The following CSPG4 variants were observed in gnomAD, a reference collection of about 807,000 sequenced individuals.
CSPG4 encodes chondroitin sulfate proteoglycan 4 (melanoma-associated).
A neutral mutation model predicts 139.3 loss-of-function variants in CSPG4; 74 were observed. That is an observed-to-expected ratio of 0.53 (90% confidence interval 0.44 to 0.64). The LOEUF (loss-of-function observed/expected upper bound fraction) is 0.64. Among genes scored for constraint, CSPG4 ranks in the 30% least tolerant of loss-of-function variants. The probability of loss-of-function intolerance (pLI) is 0.00; values close to 1 mark genes in which losing one functional copy is unlikely to be tolerated. For missense variants in CSPG4, 2,565 were observed against 3,148.3 expected (o/e 0.81, Z 4.43); for synonymous variants, 1,234 against 1,394.2 (o/e 0.89, Z 2.56).
rs1291027438 is a variant in CSPG4 at position 75,675,972 on chromosome 15, G to C, written c.6547C>G (p.Arg2183Gly). Residue 2183 changes from arginine (R) to glycine (G), a missense_variant, in exon 10 of 10, where the codon CGG becomes GGG. Physicochemically the swap from Arg to Gly is moderately radical, Grantham distance 125 (BLOSUM62 -2). Coordinates refer to ENST00000308508, the MANE Select transcript of CSPG4 (RefSeq NM_001897.5). ...CTCTCTGGCTTCCCTGCTTCCGTCC[G>C]GGCGGCCTCGGGGACACTGAGCAGG... ...VALLSVPEAA[R>G]TEAGKPESST... 1 of 1,578,436 alleles carries C rather than the reference G, an allele frequency of 6.3e-7. No individual in the cohort carries two copies.
At chr15:75,695,215 A>G (rs148789579) in intron 1 of CSPG4, among the ~76,000 whole-genome samples, 1,825 of 152,274 alleles carry the variant, frequency 0.012, 120 homozygotes, top group Admixed American at 0.1. Context: ...CACTAAAGGT[A>G]TATGTAGACC....
intron 1 of CSPG4, among the ~76,000 whole-genome samples, chr15:75,701,764 C>T (rs1894303791): frequency 6.6e-6 from 1 of 152,198 alleles, no homozygotes; most frequent in Admixed American, 6.5e-5. Flanking sequence ...CCCACAGGAA[C>T]CCCCAAGCCC....
chr15:75,688,480 G>A lies in CSPG4; in HGVS notation c.2585C>T (p.Thr862Ile), dbSNP rs1449278614. 2 of 1,613,250 alleles carry A rather than the reference G, an allele frequency of 1.2e-6. No homozygotes were observed. The highest frequency in any genetic ancestry group is 1.7e-6 in the Non-Finnish European group (2 of 1,180,042). Residue 862 changes from threonine (T) to isoleucine (I), a missense_variant, in exon 3 of 10, where the codon ACA becomes ATA. This residue lies in a region of CSPG4 where 2,316 missense variants were observed against 2,818.2 expected (regional missense o/e 0.82). Transcript: ENST00000308508. ...CTCGACTGCCTCTGAGGCACGTGCT[G>A]TGGCCCCATAGGTCACCCGGCCAGC... ...IQAGRVTYGA[T>I]ARASEAVEDT...
rs1893883943 is a variant in CSPG4 at position 75,675,935 on chromosome 15, G to A, written c.6584C>T (p.Thr2195Ile). Residue 2195 changes from threonine to isoleucine, a missense_variant, in exon 10 of 10, where the codon ACA (threonine) becomes ATA (isoleucine). Around this residue, in one of 5 missense-constraint regions of CSPG4, gnomAD observed 2,316 missense variants for 2,818.2 expected, o/e 0.82. Transcript: ENST00000308508. Reference protein sequence around the residue: ...EAGKPESSTPTGEPGPMASSP... With the variant: ...EAGKPESSTPIGEPGPMASSP... ...GGATGCCATGGGGCCTGGCTCGCCT[G>A]TGGGGGTGCTGCTCTCTGGCTTCCC... The A allele has an allele frequency of 1.3e-6, 2 of 1,595,258 alleles. No homozygotes were observed. Among genetic ancestry groups the A allele is most frequent in the Non-Finnish European group, 1.7e-6 (2 of 1,175,686 alleles).
upstream of CSPG4, among the ~76,000 whole-genome samples, chr15:75,713,327 T>TG (rs1894476999): frequency 6.6e-6 from 1 of 152,270 alleles, no homozygotes; most frequent in Admixed American, 6.5e-5. Context: ...CGAGGTCCTG[T>TG]GGGGCACTGC....
intron 1 of CSPG4, among the ~76,000 whole-genome samples, chr15:75,708,382 G>A (rs1894400866): frequency 7.7e-6 from 1 of 130,470 alleles, no homozygotes; most frequent in African/African-American, 2.9e-5. Flanking sequence ...CTACATCAGA[G>A]ACAAAAGTGG....
chr15:75,678,544 G>T lies in CSPG4; in HGVS notation c.4951-658C>A, dbSNP rs113233015. 232 of 422,584 alleles carry T rather than the reference G, an allele frequency of 5.5e-4. 1 individual carries two copies. The highest frequency in any genetic ancestry group is 4.6e-3 in the African/African-American group (223 of 48,986). 26.2% of individuals were successfully genotyped at this position (422,584 alleles called of 1,614,324 possible). A position where few individuals can be genotyped will look rare whatever the true frequency, so the allele number is the denominator to read the frequency against. ...TTTTTTTTTATTGTTTGTTGAGACA[G>T]GGTCTCACTATGTTGCCCAGGCTGG... On this transcript the variant is annotated intron_variant, in intron 8 of 9. Transcript: ENST00000308508.
Position 75,677,817 on chromosome 15 carries a change from G to C in CSPG4, c.5020C>G (p.Leu1674Val), listed in dbSNP as rs922348883. The change falls in exon 9 of 10, where the codon CTA (leucine) becomes GTA (valine). Residue 1674 changes from leucine to valine, a missense_variant. Around this residue, in one of 5 missense-constraint regions of CSPG4, gnomAD observed 2,316 missense variants for 2,818.2 expected, o/e 0.82. Coordinates refer to ENST00000308508, the MANE Select transcript of CSPG4 (RefSeq NM_001897.5). ...GGCGGCGAGGACAGCTGGAGCTCTA[G>C]GGTATCATGGGCCTCCCAAAAGGGC... The part of the protein sequence containing the change: ...PEPFWEAHDT[L>V]ELQLSSPPAR... 31 of 1,612,436 alleles carry C rather than the reference G, an allele frequency of 1.9e-5. No individual in the cohort carries two copies. Among genetic ancestry groups the C allele is most frequent in the Non-Finnish European group, 2.6e-5 (31 of 1,179,390 alleles).
chr15:75,682,363 T>C lies in CSPG4; in HGVS notation c.4880A>G (p.Gln1627Arg). Residue 1627 changes from glutamine to arginine, a missense_variant, in exon 8 of 10, where the codon CAG becomes CGG. By Grantham distance (43) the Gln-to-Arg change is conservative. Transcript: ENST00000308508. ...LLLYRVVRGP[Q>R]LGRLFHAQQD... Reference sequence around the variant, plus strand: ...CTGGGCGTGGAACAGCCGGCCTAGCTGGGGGCCCCGCACCACACGGTAGAG... The same window carrying C: ...CTGGGCGTGGAACAGCCGGCCTAGCCGGGGGCCCCGCACCACACGGTAGAG... 1 of 1,596,836 alleles carries C rather than the reference T, an allele frequency of 6.3e-7. No individual in the cohort carries two copies. The highest frequency in any genetic ancestry group is 8.5e-7 in the Non-Finnish European group (1 of 1,179,910).
chr15:75,701,342 T>C (rs763035695), intron 1 of CSPG4, among the ~76,000 whole-genome samples: 2 of 152,160 alleles, frequency 1.3e-5, no homozygotes, highest in Non-Finnish European at 2.9e-5. Flanking sequence ...GTGAGGGTTT[T>C]TCTATCAGGC....
rs956155199 is a variant in CSPG4 at position 75,696,842 on chromosome 15, A to G, written c.89-3609T>C. Among the ~76,000 whole-genome samples, 11 of 152,084 alleles carry G rather than the reference A, an allele frequency of 7.2e-5. No homozygotes were observed. The highest frequency in any genetic ancestry group is 2.7e-4 in the African/African-American group (11 of 41,408). On this transcript the variant is annotated intron_variant, in intron 1 of 9. Coordinates refer to ENST00000308508, the MANE Select transcript of CSPG4 (RefSeq NM_001897.5). This position sits in a 1 kb window ranked among gnomAD's most constrained non-coding sequence, Gnocchi z 4.2. Reference sequence around the variant, plus strand: ...TTCCTTCCCTGCCAAGTCCCTTCTCAGGGGCTAGAGGAAACCTCGGTCAAG... The same window carrying G: ...TTCCTTCCCTGCCAAGTCCCTTCTCGGGGGCTAGAGGAAACCTCGGTCAAG...
At chr15:75,712,577 G>T in intron 1 of CSPG4, 91 bp downstream of exon 1, 2 of 1,262,022 alleles carry the variant, frequency 1.6e-6, no homozygotes, top group South Asian at 1.3e-5. Flanking sequence ...CGATCTGGGG[G>T]CCACTTCTGG....
At position 75,708,595 on chromosome 15, in the gene CSPG4, G is replaced by T. The variant is rs548918284; in HGVS notation, c.88+4073C>A. Among the ~76,000 whole-genome samples the T allele has an allele frequency of 2.2e-3, 337 of 152,360 alleles. 1 individual carries two copies. The highest frequency in any genetic ancestry group is 7.8e-3 in the African/African-American group (326 of 41,582). ...CCCCTGCTGGGGCCTGAGCCCACTG[G>T]TGGGTGGTTGTCCACCTGGCCTGAT... On this transcript the variant is annotated intron_variant, in intron 1 of 9. Coordinates refer to ENST00000308508, the MANE Select transcript of CSPG4 (RefSeq NM_001897.5).
chr15:75,677,607 G>T, intron 9 of CSPG4, 96 bp downstream of exon 9: 1 of 1,398,792 alleles, frequency 7.1e-7, no homozygotes, highest in Non-Finnish European at 9.7e-7. Context: ...CCTGGGGGCT[G>T]AGACAGGAGC....
Position 75,688,445 on chromosome 15 carries a change from G to C in CSPG4, c.2620C>G (p.Arg874Gly), listed in dbSNP as rs369175608. The change falls in exon 3 of 10, where the codon CGT (arginine) becomes GGT (glycine). Residue 874 changes from arginine to glycine, a missense_variant. By Grantham distance (125) the Arg-to-Gly change is moderately radical (BLOSUM62 -2). Transcript: ENST00000308508. ...TATGGTGGAGCTGTGACACGGAAAC[G>C]GAAGGTGTCCTCGACTGCCTCTGAG... ...RASEAVEDTF[R>G]FRVTAPPYFS... is the part of the protein sequence containing the mutation. The C allele has an allele frequency of 6.2e-7, 1 of 1,613,258 alleles. No individual in the cohort carries two copies. Among genetic ancestry groups the C allele is most frequent in the Middle Eastern group, 1.6e-4 (1 of 6,062 alleles).
chr15:75,690,891 C>A, intron 2 of CSPG4, 79 bp from the exon 3 acceptor site: 3 of 1,471,442 alleles, frequency 2.0e-6, no homozygotes, highest in Non-Finnish European at 2.8e-6. Flanking sequence ...TAGAGCCGGG[C>A]GTGATTGCAG....
intron 1 of CSPG4, 95 bp downstream of exon 1, chr15:75,712,573 G>A: frequency 8.1e-7 from 1 of 1,232,462 alleles, no homozygotes; most frequent in Non-Finnish European, 1.2e-6. Context: ...CTCCCGATCT[G>A]GGGGCCACTT....
chr15:75,709,473 AC>A (rs984827508), intron 1 of CSPG4, among the ~76,000 whole-genome samples: 1 of 152,026 alleles, frequency 6.6e-6, no homozygotes, highest in African/African-American at 2.4e-5. Context: ...CTCAGGTGGC[AC>A]CCCTGTCCCC....
chr15:75,679,247 C>T (rs1338204412), intron 8 of CSPG4: 1 of 159,666 alleles, frequency 6.3e-6, no homozygotes, highest in Non-Finnish European at 1.4e-5. Flanking sequence ...CTACAGTCAT[C>T]CTGCTTCAGA....
Sources: gnomAD v4.1 joint callset for allele counts (sites outside exome capture counted in the v4.1 genomes callset) on GRCh38, gnomAD v4.1.1 for gene constraint, gnomAD v4.1.1 regional missense constraint, Gnocchi (gnomAD v3.1) non-coding constraint, MANE v1.5 for transcripts, NCBI Gene and HGNC (gene_info 2026-07-23, HGNC 2026-07-21) for gene names.